SUGCT: variants seen among roughly 807,000 people sequenced by gnomAD.
SUGCT encodes succinyl-CoA:glutarate-CoA transferase.
A neutral mutation model predicts 55.0 loss-of-function variants in SUGCT; 41 were observed. That is an observed-to-expected ratio of 0.74 (90% CI 0.58 to 0.97). The LOEUF is 0.97. Among genes scored for constraint, SUGCT ranks in the 50% least tolerant of loss-of-function variants. SUGCT has a pLI of 0.00. For missense variants in SUGCT, 568 were observed against 547.8 expected (o/e 1.04, Z -0.37); for synonymous variants, 187 against 200.4 (o/e 0.93, Z 0.56).
At chr7:40,954,686 G>A in the SUGCT span, among the ~76,000 whole-genome samples, 2 of 152,116 alleles carry the variant, frequency 1.3e-5, no homozygotes, top group Non-Finnish European at 2.9e-5. Context: ...CATTGGTTTT[G>A]GTGTTTGAGT....
chr7:40,274,554 T>C lies in SUGCT; in HGVS notation c.618T>C (p.Leu206=), dbSNP rs1002883032. 1.9e-6 allele frequency: 3 copies of C among 1,613,680 alleles called. No homozygotes were observed. In the African/African-American group the frequency reaches 4.0e-5, roughly 22 times the overall value. ...GCCCAGGAGTAGCTATGACTGATCT[T>C]GCCACTGGCCTGTATGCATATGGAG... is the stretch of plus-strand genomic sequence containing the variant. ...PVRPGVAMTD[L]ATGLYAYGAI... Residue 206 remains leucine (L), a synonymous_variant, in exon 8 of 14, where the codon CTT becomes CTC. Coordinates refer to ENST00000335693, the MANE Select transcript of SUGCT (RefSeq NM_001193313.2).
intron 12 of SUGCT, chr7:40,538,561 G>A (rs2151611621): frequency 6.6e-6 from 1 of 152,304 alleles, no homozygotes; most frequent in Middle Eastern, 3.4e-3. Context: ...TTTCTGGTCA[G>A]AGGTTGAAGC....
At chr7:40,571,246 A>G (rs956537418) in intron 12 of SUGCT, among the ~76,000 whole-genome samples, 3 of 152,242 alleles carry the variant, frequency 2.0e-5, no homozygotes, top group Non-Finnish European at 1.5e-5. Flanking sequence ...GCTTTTTAAA[A>G]TAACAGCATC....
intron 12 of SUGCT, among the ~76,000 whole-genome samples, chr7:40,634,782 A>G (rs1410690735): frequency 6.6e-6 from 1 of 152,242 alleles, no homozygotes; most frequent in Non-Finnish European, 1.5e-5. Context: ...AAATCTTTGA[A>G]AAGATAAAAA....
intron 12 of SUGCT, among the ~76,000 whole-genome samples, chr7:40,556,982 G>A (rs893520537): frequency 2.6e-5 from 4 of 152,116 alleles, no homozygotes; most frequent in Admixed American, 2.6e-4. Flanking sequence ...AATCCCACTA[G>A]TGTTTTTTAC....
chr7:40,426,119 C>G (rs545110765), intron 9 of SUGCT, among the ~76,000 whole-genome samples: 4 of 152,222 alleles, frequency 2.6e-5, no homozygotes, highest in Non-Finnish European at 5.9e-5. Context: ...GAGATAAGCT[C>G]TATTCCTTGA....
intron 12 of SUGCT, among the ~76,000 whole-genome samples, chr7:40,714,551 C>T (rs1785910877): frequency 6.6e-6 from 1 of 152,174 alleles, no homozygotes; most frequent in Admixed American, 6.5e-5. Context: ...CCAGCCCTTA[C>T]TCCCCAAATG....
At chr7:40,243,344 G>C (rs986009032) in intron 7 of SUGCT, among the ~76,000 whole-genome samples, 1 of 151,924 alleles carries the variant, frequency 6.6e-6, no homozygotes, top group African/African-American at 2.4e-5. Flanking sequence ...GTGTAATGTT[G>C]TATTAGGTAC....
intron 9 of SUGCT, among the ~76,000 whole-genome samples, chr7:40,328,425 T>G (rs1490393957): frequency 6.6e-6 from 1 of 152,194 alleles, no homozygotes; most frequent in Non-Finnish European, 1.5e-5. Flanking sequence ...TCATCGTTTC[T>G]AGTTTTCAAC....
At chr7:40,520,352 A>G (rs1793465239) in intron 12 of SUGCT, among the ~76,000 whole-genome samples, 1 of 152,056 alleles carries the variant, frequency 6.6e-6, no homozygotes, top group African/African-American at 2.4e-5. Flanking sequence ...GTTTTCTAAG[A>G]GTTTTGGTCA....
At position 40,424,993 on chromosome 7, in the gene SUGCT, G is replaced by A. The variant is rs1216748371; in HGVS notation, c.817-24294G>A. ...TAGAGTGGGTACGTAAGGACCCCAT[G>A]TCTTTATAAAATAGCATTACTTTAC... On this transcript the variant is annotated intron_variant, in intron 9 of 13. Coordinates refer to ENST00000335693, the MANE Select transcript of SUGCT (RefSeq NM_001193313.2). 5.3e-5 allele frequency among the ~76,000 whole-genome samples: 8 copies of A among 152,238 alleles called. No homozygotes were observed. In the East Asian group the frequency reaches 1.2e-3, roughly 22 times the overall value.
At chr7:40,169,032 G>A (rs1784550606) in intron 1 of SUGCT, among the ~76,000 whole-genome samples, 1 of 152,104 alleles carries the variant, frequency 6.6e-6, no homozygotes, top group African/African-American at 2.4e-5. Flanking sequence ...ATGGCTTCCT[G>A]ATATTTGATA....
At chr7:40,393,644 G>A (rs1479982523) in intron 9 of SUGCT, among the ~76,000 whole-genome samples, 1 of 152,150 alleles carries the variant, frequency 6.6e-6, no homozygotes, top group East Asian at 1.9e-4. Flanking sequence ...GAAGATAGAG[G>A]AGGGAGTATG....
chr7:40,729,634 G>A (rs1584349463), intron 12 of SUGCT, among the ~76,000 whole-genome samples: 1 of 152,114 alleles, frequency 6.6e-6, no homozygotes, highest in Non-Finnish European at 1.5e-5. Flanking sequence ...GTAGTCCAGG[G>A]TGGGAATCTG....
the SUGCT span, among the ~76,000 whole-genome samples, chr7:41,016,973 C>T: frequency 4.6e-4 from 70 of 152,318 alleles, no homozygotes; most frequent in African/African-American, 1.7e-3. Context: ...TGACTTAACT[C>T]AGCATTTCAG....
At chr7:40,249,347 A>ATATATATATATATG (rs1340853643) in intron 7 of SUGCT, among the ~76,000 whole-genome samples, 2 of 121,542 alleles carry the variant, frequency 1.6e-5, no homozygotes, top group African/African-American at 3.1e-5. Context: ...ATATATATAT[A>ATATATATATATATG]ATTATATTAT....
intron 12 of SUGCT, among the ~76,000 whole-genome samples, chr7:40,725,337 C>A (rs1270608526): frequency 6.6e-6 from 1 of 152,154 alleles, no homozygotes; most frequent in Non-Finnish European, 1.5e-5. Flanking sequence ...GACCTTCTTT[C>A]TTTAGAGTAT....
intron 9 of SUGCT, among the ~76,000 whole-genome samples, chr7:40,424,038 G>A (rs1583647667): frequency 6.6e-6 from 1 of 152,050 alleles, no homozygotes. Context: ...GGATCTTAAA[G>A]TGGTCAATCT....
chr7:40,630,348 A>G (rs1295586830), intron 12 of SUGCT, among the ~76,000 whole-genome samples: 2 of 152,160 alleles, frequency 1.3e-5, no homozygotes, highest in Non-Finnish European at 2.9e-5. Flanking sequence ...TTTCTTCTTC[A>G]TCCATGGCTT....
Sources: allele counts gnomAD v4.1 joint callset (sites outside exome capture counted in the v4.1 genomes callset), GRCh38; gene constraint gnomAD v4.1.1; transcripts MANE v1.5; gene names NCBI Gene and HGNC (gene_info 2026-07-23, HGNC 2026-07-21).